The following LAMB1 variants were observed in gnomAD, a reference collection of about 807,000 sequenced individuals.
LAMB1 encodes the protein laminin subunit beta 1.
In LAMB1, 121 loss-of-function variants were observed where a neutral mutation model predicts 222.3. That is an observed-to-expected ratio of 0.54 (90% CI 0.47 to 0.63). The LOEUF (loss-of-function observed/expected upper bound fraction) is 0.63, where lower values mean the gene tolerates loss of function less well. Ranked by LOEUF, LAMB1 falls within the 30% of genes least tolerant of loss-of-function variation. The probability of loss-of-function intolerance (pLI) is 0.00; values close to 1 mark genes in which losing one functional copy is unlikely to be tolerated. For synonymous variants in LAMB1, 794 were observed against 807.2 expected (o/e 0.98, Z 0.28); for missense variants, 2,172 against 2,240.8 (o/e 0.97, Z 0.62).
intron 12 of LAMB1, among the ~76,000 whole-genome samples, chr7:107,973,338 T>C (rs1322012294): frequency 1.3e-5 from 2 of 152,112 alleles, no homozygotes; most frequent in African/African-American, 4.8e-5. Flanking sequence ...ATCCAACAAC[T>C]AAGAAGAGCA....
chr7:107,940,495 T>A lies in LAMB1; in HGVS notation c.3392-137A>T, dbSNP rs754807023. ...GACAACAATTGACCAATGGCTCAGG[T>A]AGAGACTGTAGCAGCTTCCTCTAGC... On this transcript the variant is annotated intron_variant, in intron 24 of 33. Transcript: ENST00000222399. 22 of 860,242 alleles carry A rather than the reference T, an allele frequency of 2.6e-5. No individual in the cohort carries two copies. The South Asian group carries it at 3.4e-4, about 13-fold the overall frequency. The allele number at this position is 860,242 out of a possible 1,614,324, so 53.3% of individuals were successfully genotyped here. A position where few individuals can be genotyped will look rare whatever the true frequency, so the allele number is the denominator to read the frequency against.
rs764789139 is a variant in LAMB1, at chr7:107,980,771, T to C, written c.717A>G (p.Lys239=). 7.4e-6 allele frequency: 12 copies of C among 1,611,918 alleles called. No individual in the cohort carries two copies. In the South Asian group the frequency reaches 1.1e-4, roughly 15 times the overall value. The change falls in exon 8 of 34, where the codon AAA becomes AAG. Residue 239 remains lysine (K), a synonymous_variant. Transcript: ENST00000222399. ...GAAGGTTATCTCCCAAAGTATGCAG[T>C]TTCACAAACTTGATTCTCAAGTTGG... ...KITNLRIKFV[K]LHTLGDNLLD... is the part of the protein sequence containing the mutation.
chr7:107,996,911 T>C (rs1209209333), intron 4 of LAMB1, among the ~76,000 whole-genome samples: 2 of 152,228 alleles, frequency 1.3e-5, no homozygotes, highest in Non-Finnish European at 2.9e-5. Flanking sequence ...ATAAGCTTGC[T>C]GCTGTTTCAG....
Position 107,931,170 on chromosome 7 carries a change from G to A in LAMB1, c.4537+186C>T, listed in dbSNP as rs113897550. ...TCCCATCAGGTGTGTCTGTATCTGC[G>A]TAACATTGGAGAAAGTTATTTGATA... is the stretch of plus-strand genomic sequence containing the variant. On this transcript the variant is annotated intron_variant, in intron 29 of 33. Coordinates refer to ENST00000222399, the MANE Select transcript of LAMB1 (RefSeq NM_002291.3). Among the ~76,000 whole-genome samples the A allele has an allele frequency of 1.2e-3, 177 of 152,198 alleles. 1 individual carries two copies. Among genetic ancestry groups the A allele is most frequent in the African/African-American group, 4.0e-3 (167 of 41,522 alleles).
rs537466237 is a variant in LAMB1 at position 107,953,732 on chromosome 7, G to A, written c.2877C>T (p.Ala959=). The A allele has an allele frequency of 1.9e-6, 3 of 1,614,124 alleles. No individual in the cohort carries two copies. The South Asian group carries it at 3.3e-5, about 18-fold the overall frequency. Reference sequence around the variant, plus strand: ...CTGATGGATTGCCAAAGTATCCTGAGGCACAGTCGTCACATCTGGAACCTG... The same window carrying A: ...CTGATGGATTGCCAAAGTATCCTGAAGCACAGTCGTCACATCTGGAACCTG... ...GYIGSRCDDC[A]SGYFGNPSEV... The change falls in exon 22 of 34, where the codon GCC becomes GCT. Residue 959 remains alanine, a synonymous_variant. Transcript: ENST00000222399.
Position 107,964,986 on chromosome 7 carries a change from A to C in LAMB1, c.1563-299T>G, listed in dbSNP as rs559623353. 4.6e-5 allele frequency among the ~76,000 whole-genome samples: 7 copies of C among 152,258 alleles called. No individual in the cohort carries two copies. The South Asian group carries it at 1.2e-3, about 27-fold the overall frequency. Reference sequence around the variant, plus strand: ...CCAAACCTTCTTGCTTTGGCATGTTACATCTTTTGCTTATTTCCTGAGATT... The same window carrying C: ...CCAAACCTTCTTGCTTTGGCATGTTCCATCTTTTGCTTATTTCCTGAGATT... On this transcript the variant is annotated intron_variant, in intron 13 of 33. Transcript: ENST00000222399.
In LAMB1 at chr7:107,962,996, A is replaced by G. The variant is rs375742672; in HGVS notation, c.1766T>C (p.Val589Ala). The change falls in exon 15 of 34, where the codon GTC becomes GCC. Residue 589 changes from valine (V) to alanine (A), a missense_variant. Coordinates refer to ENST00000222399, the MANE Select transcript of LAMB1 (RefSeq NM_002291.3). ...CAAATAAGCCCCTTCAGGCACTCGG[A>G]CGAAGCCGGCTCCAGTCCAGGAGGG... ...RIPSWTGAGF[V>A]RVPEGAYLEF... 2.5e-6 allele frequency: 4 copies of G among 1,614,068 alleles called. No homozygotes were observed. Among genetic ancestry groups the G allele is most frequent in the South Asian group, 1.1e-5 (1 of 91,078 alleles).
In LAMB1 at chr7:107,978,455, TA is replaced by T. The variant is rs11350102; in HGVS notation, c.880-289del. The stretch of plus-strand genomic sequence containing the variant: ...CCAGATGAAGAAAATTACTTAAAAT[TA>T]AAAAAAAAAAAAAAAACTAGTTACT... On this transcript the variant is annotated intron_variant, in intron 8 of 33. Transcript: ENST00000222399. Among the ~76,000 whole-genome samples, 16,849 of 126,254 alleles carry T rather than the reference TA, an allele frequency of 0.13. 1,568 individuals are homozygous for T. The highest frequency in any genetic ancestry group is 0.29 in the African/African-American group (10,504 of 35,786). 82.8% of individuals were successfully genotyped at this position (126,254 alleles called of 152,430 possible). A position where few individuals can be genotyped will look rare whatever the true frequency, so the allele number is the denominator to read the frequency against.
chr7:107,973,487 G>A (rs1427206994), intron 12 of LAMB1, among the ~76,000 whole-genome samples: 3 of 152,140 alleles, frequency 2.0e-5, no homozygotes, highest in Non-Finnish European at 2.9e-5. Flanking sequence ...AAGAATTTAT[G>A]TGGAAATGTA....
chr7:107,952,150 A>C lies in LAMB1; in HGVS notation c.3153T>G (p.Thr1051=). Reference sequence around the variant, plus strand: ...CATTAGGAAGACACAAGCACTGACCAGTGGCTTTGTCGCACTGGCAGTCAG... The same window carrying C: ...CATTAGGAAGACACAAGCACTGACCCGTGGCTTTGTCGCACTGGCAGTCAG... The part of the protein sequence containing the change: ...NGSDCQCDKA[T]GQCLCLPNVI... Residue 1051 remains threonine (T), a synonymous_variant, in exon 23 of 34, where the codon ACT becomes ACG. Transcript: ENST00000222399. The C allele has an allele frequency of 1.2e-6, 2 of 1,613,768 alleles. No homozygotes were observed. The highest frequency in any genetic ancestry group is 1.7e-6 in the Non-Finnish European group (2 of 1,179,716).
intron 3 of LAMB1, among the ~76,000 whole-genome samples, chr7:107,999,541 A>G (rs1447840676): frequency 6.6e-6 from 1 of 152,148 alleles, no homozygotes; most frequent in Non-Finnish European, 1.5e-5. Context: ...CTTCTTCTCA[A>G]AAGGATTTGG....
chr7:107,962,583 G>A (rs538460115), intron 15 of LAMB1, among the ~76,000 whole-genome samples: 57 of 151,842 alleles, frequency 3.8e-4, no homozygotes, highest in African/African-American at 7.0e-4. Flanking sequence ...GCATGGTGGC[G>A]CATGCCTGTA....
At chr7:107,950,938 G>A (rs2033231105) in intron 24 of LAMB1, among the ~76,000 whole-genome samples, 1 of 151,552 alleles carries the variant, frequency 6.6e-6, no homozygotes, top group African/African-American at 2.4e-5. Flanking sequence ...GTGTGTGTGT[G>A]TGTGTGTGTG....
At chr7:107,928,928 G>A (rs931251023) in intron 31 of LAMB1, 136 bp downstream of exon 31, 7 of 836,526 alleles carry the variant, frequency 8.4e-6, no homozygotes, top group Middle Eastern at 3.7e-4. Context: ...CCATGCTAAC[G>A]GAGTAGTTTA....
At chr7:107,929,310 C>G (rs1302611872) in intron 30 of LAMB1, 102 bp downstream of exon 30, 13 of 1,502,768 alleles carry the variant, frequency 8.7e-6, no homozygotes, top group Non-Finnish European at 1.2e-5. Flanking sequence ...CCCAGAGAGA[C>G]TCGCATAGGT....
rs757149064 is a variant in LAMB1, at chr7:107,959,381, C to T, written c.2558G>A (p.Arg853Gln). 53 of 1,614,120 alleles carry T rather than the reference C, an allele frequency of 3.3e-5. No individual in the cohort carries two copies. The highest frequency in any genetic ancestry group is 4.1e-5 in the Non-Finnish European group (48 of 1,180,046). The change falls in exon 20 of 34, where the codon CGG becomes CAG. Residue 853 changes from arginine (R) to glutamine (Q), a missense_variant. By Grantham distance (43) the Arg-to-Gln change is conservative. Coordinates refer to ENST00000222399, the MANE Select transcript of LAMB1 (RefSeq NM_002291.3). ...AAAGCCCCAGTGCCCAGGTAAGCACCGATCACACTGCCGAGCATACACTCC... is the reference window on the plus strand; with the variant it reads ...AAAGCCCCAGTGCCCAGGTAAGCACTGATCACACTGCCGAGCATACACTCC... ...FQGVYARQCD[R>Q]CLPGHWGFPS...
chr7:107,945,186 T>C (rs1470367419), intron 24 of LAMB1, among the ~76,000 whole-genome samples: 15 of 152,252 alleles, frequency 9.9e-5, no homozygotes, highest in Admixed American at 9.8e-4. Flanking sequence ...CCTCTATTTT[T>C]ACTAAGTTTT....
At chr7:107,956,783 G>T (rs1205677591) in intron 20 of LAMB1, among the ~76,000 whole-genome samples, 2 of 152,158 alleles carry the variant, frequency 1.3e-5, no homozygotes, top group Admixed American at 6.5e-5. Flanking sequence ...CCCTGTGTTT[G>T]TCTCTCAGGT....
intron 29 of LAMB1, 29 bp from the exon 30 acceptor site, chr7:107,929,648 G>C (rs1354216016): frequency 6.4e-7 from 1 of 1,574,264 alleles, no homozygotes; most frequent in Non-Finnish European, 8.7e-7. Context: ...TCCCCAAAAA[G>C]AGGTGAAAAG....
Sources: allele counts gnomAD v4.1 joint callset (sites outside exome capture counted in the v4.1 genomes callset), GRCh38; gene constraint gnomAD v4.1.1; transcripts MANE v1.5; gene names NCBI Gene and HGNC (gene_info 2026-07-23, HGNC 2026-07-21).